The following MEF2C variants were observed in gnomAD, a reference collection of about 807,000 sequenced individuals.
The protein encoded by MEF2C is myocyte enhancer factor 2C, also known as myocyte-specific enhancer factor 2C.
MEF2C carries 6 observed loss-of-function variants against 50.5 expected under a neutral mutation model. The ratio of observed to expected loss-of-function variants is 0.12; its 90% CI spans 0.07 to 0.23. The LOEUF is 0.23. MEF2C is among the 10% of genes least tolerant of loss of function. The pLI is 1.00. For missense variants in MEF2C, 276 were observed against 605.0 expected, an observed-to-expected ratio of 0.46 and a Z score of 5.70; for synonymous variants, 183 against 228.0, an observed-to-expected ratio of 0.80 and a Z score of 1.78.
At chr5:88,885,743 C>CT (rs1833990656), upstream of MEF2C, among the ~76,000 whole-genome samples, 1 of 152,170 alleles carries the variant, frequency 6.6e-6, no homozygotes, top group Non-Finnish European at 1.5e-5. Context: ...GAAGGACCAT[C>CT]TAAGTTTATT....
In MEF2C at chr5:88,731,822, T is replaced by C; in HGVS notation, c.717A>G (p.Lys239=). ...PGNLNKNMQA[K]SPPPMNLGMN... is the part of the protein sequence containing the mutation. ...TTCCTAAATTCATTGGGGGAGGAGA[T>C]TTTGCTTGCATATTCTTGTTCAAGT... Residue 239 remains lysine (K), a synonymous_variant, in exon 7 of 11, where the codon AAA becomes AAG. Coordinates refer to ENST00000504921, the MANE Select transcript of MEF2C (RefSeq NM_002397.5). 6.2e-7 allele frequency: 1 copy of C among 1,613,232 alleles called. No homozygotes were observed. Among genetic ancestry groups the C allele is most frequent in the South Asian group, 1.1e-5 (1 of 91,050 alleles).
At chr5:88,877,270 C>G (rs868454826) in intron 1 of MEF2C, among the ~76,000 whole-genome samples, 7 of 151,956 alleles carry the variant, frequency 4.6e-5, no homozygotes, top group Admixed American at 2.0e-4. Context: ...ACTTTGTTTA[C>G]ATTGGCTGTA....
At chr5:88,853,864 A>G (rs1015335369) in intron 1 of MEF2C, among the ~76,000 whole-genome samples, 2 of 152,228 alleles carry the variant, frequency 1.3e-5, no homozygotes, top group African/African-American at 4.8e-5. Context: ...AACAAGGATA[A>G]TAAGATGTAC....
chr5:88,736,555 T>A, intron 6 of MEF2C: 1 of 925,206 alleles, frequency 1.1e-6, no homozygotes, highest in Non-Finnish European at 1.3e-6. Context: ...CATCTGGGCC[T>A]CTGGTCTCTA....
At chr5:88,738,280 T>C (rs1764954871) in intron 6 of MEF2C, 1 of 985,120 alleles carries the variant, frequency 1.0e-6, no homozygotes, top group East Asian at 1.1e-4. Context: ...TCCAACAATA[T>C]TAGCAATCGC....
intron 3 of MEF2C, among the ~76,000 whole-genome samples, chr5:88,792,694 C>A (rs1794332903): frequency 6.6e-6 from 1 of 152,074 alleles, no homozygotes; most frequent in South Asian, 2.1e-4. Context: ...ATGACTAATG[C>A]AACTGAGGAA....
chr5:88,874,864 A>G (rs968375019), intron 1 of MEF2C, among the ~76,000 whole-genome samples: 1 of 151,950 alleles, frequency 6.6e-6, no homozygotes, highest in Non-Finnish European at 1.5e-5. Context: ...AATTAGAACA[A>G]ATATTTATTA....
At position 88,733,933 on chromosome 5, in the gene MEF2C, T is replaced by C. The variant is rs998251936; in HGVS notation, c.638-2032A>G. On this transcript the variant is annotated intron_variant, in intron 6 of 10. Coordinates refer to ENST00000504921, the MANE Select transcript of MEF2C (RefSeq NM_002397.5). ...CAAATTCTCTAAAGCTAGATAAATA[T>C]GACAAACCCCCAAATTTTCTTTACA... 31 of 985,212 alleles carry C rather than the reference T, an allele frequency of 3.1e-5. No homozygotes were observed. In the Admixed American group the frequency reaches 1.4e-3, roughly 43 times the overall value. The allele number at this position is 985,212 out of a possible 1,614,324, so 61.0% of individuals were successfully genotyped here.
intron 1 of MEF2C, chr5:88,825,571 C>G (rs1314547045): frequency 1.0e-6 from 1 of 979,492 alleles, no homozygotes; most frequent in Non-Finnish European, 1.2e-6. Flanking sequence ...ATAGTTATAA[C>G]ATATTGAAAT....
intron 1 of MEF2C, among the ~76,000 whole-genome samples, chr5:88,827,731 C>T (rs574516437): frequency 4.0e-5 from 6 of 151,794 alleles, no homozygotes; most frequent in East Asian, 2.0e-4. Context: ...CAAAAGTCAT[C>T]GTACACAGTT....
At chr5:88,793,884 C>T (rs1214724468) in intron 3 of MEF2C, among the ~76,000 whole-genome samples, 3 of 151,902 alleles carry the variant, frequency 2.0e-5, no homozygotes, top group Non-Finnish European at 4.4e-5. Flanking sequence ...TATGAGTGAG[C>T]ACATGTGGTG....
intron 1 of MEF2C, chr5:88,888,905 G>A (rs955595932): frequency 6.6e-6 from 1 of 152,074 alleles, no homozygotes; most frequent in Admixed American, 6.6e-5. Context: ...GTTAAATGTT[G>A]TTCATCAGAA....
chr5:88,846,852 A>G (rs1192363631), intron 1 of MEF2C, among the ~76,000 whole-genome samples: 1 of 152,236 alleles, frequency 6.6e-6, no homozygotes, highest in African/African-American at 2.4e-5. Flanking sequence ...GAATGGATAT[A>G]GTCTGGCAGG....
intron 1 of MEF2C, among the ~76,000 whole-genome samples, chr5:88,893,736 A>G (rs1375870411): frequency 1.3e-5 from 2 of 150,746 alleles, no homozygotes; most frequent in African/African-American, 2.4e-5. Flanking sequence ...AATTATATCA[A>G]TATTCTAATT....
intron 3 of MEF2C, among the ~76,000 whole-genome samples, chr5:88,796,432 G>T (rs1196998808): frequency 6.6e-6 from 1 of 152,140 alleles, no homozygotes; most frequent in East Asian, 1.9e-4. Context: ...GCATAGAGGT[G>T]TTTATAGTAT....
intron 1 of MEF2C, among the ~76,000 whole-genome samples, chr5:88,865,418 A>G (rs1274323564): frequency 2.6e-5 from 4 of 152,176 alleles, no homozygotes; most frequent in African/African-American, 9.6e-5. Flanking sequence ...AGGCTTTTGA[A>G]GTGCAGTATT....
At chr5:88,793,207 C>T (rs182916269) in intron 3 of MEF2C, among the ~76,000 whole-genome samples, 3 of 152,028 alleles carry the variant, frequency 2.0e-5, no homozygotes, top group African/African-American at 7.2e-5. Flanking sequence ...GTAATTGGGA[C>T]CTGACTTGAG....
intron 1 of MEF2C, chr5:88,839,523 G>A (rs1266324291): frequency 6.6e-6 from 1 of 152,126 alleles, no homozygotes; most frequent in African/African-American, 2.4e-5. Flanking sequence ...CAGTAAGAAC[G>A]AATCTGTTGG....
chr5:88,780,676 T>G, intron 3 of MEF2C: 1 of 797,546 alleles, frequency 1.3e-6, no homozygotes, highest in Non-Finnish European at 1.5e-6. Flanking sequence ...ACATATATAT[T>G]TCACTGTTAA....
Sources: gnomAD v4.1 joint callset for allele counts (sites outside exome capture counted in the v4.1 genomes callset) on GRCh38, gnomAD v4.1.1 for gene constraint, MANE v1.5 for transcripts, NCBI Gene and HGNC (gene_info 2026-07-23, HGNC 2026-07-21) for gene names.